The following CALN1 variants were observed in gnomAD, a reference collection of about 807,000 sequenced individuals.
CALN1 encodes the protein calneuron 1.
In CALN1, 17 loss-of-function variants were observed where a neutral mutation model predicts 30.6. The ratio of observed to expected loss-of-function variants is 0.56; its 90% CI spans 0.38 to 0.83. CALN1 has a LOEUF of 0.83. Among genes scored for constraint, CALN1 ranks in the 40% least tolerant of loss-of-function variants. CALN1 has a pLI of 0.00. For missense variants in CALN1, 291 were observed against 354.9 expected (o/e 0.82, Z 1.45); for synonymous variants, 156 against 131.4 (o/e 1.19, Z -1.28).
chr7:72,210,277 T>C (rs1333978087), intron 3 of CALN1, among the ~76,000 whole-genome samples: 1 of 152,042 alleles, frequency 6.6e-6, no homozygotes, highest in African/African-American at 2.4e-5. Context: ...TAATCAAGCT[T>C]CTCTATGGTG....
At chr7:72,288,331 G>A (rs1480078855) in intron 2 of CALN1, among the ~76,000 whole-genome samples, 3 of 152,158 alleles carry the variant, frequency 2.0e-5, no homozygotes, top group East Asian at 3.8e-4. Flanking sequence ...CTTCTGAAGT[G>A]TCCTTATGAC....
chr7:72,077,948 C>T (rs887132469), intron 4 of CALN1, among the ~76,000 whole-genome samples: 8 of 152,178 alleles, frequency 5.3e-5, no homozygotes, highest in Non-Finnish European at 8.8e-5. Context: ...ACCTGTCAAA[C>T]GCTGAGAGAG....
intron 3 of CALN1, among the ~76,000 whole-genome samples, chr7:72,142,427 G>A (rs1045257559): frequency 1.3e-5 from 2 of 152,176 alleles, no homozygotes; most frequent in Non-Finnish European, 2.9e-5. Context: ...CTGGGGGAGG[G>A]GCACCTGCCA....
chr7:72,259,903 C>G (rs768568666), intron 3 of CALN1, among the ~76,000 whole-genome samples: 1 of 152,160 alleles, frequency 6.6e-6, no homozygotes, highest in Non-Finnish European at 1.5e-5. Flanking sequence ...CCAATGCAAC[C>G]TTTTAAAATG....
intron 5 of CALN1, among the ~76,000 whole-genome samples, chr7:71,991,559 CCAAT>C (rs572317306): frequency 1.5e-3 from 226 of 151,778 alleles, no homozygotes; most frequent in African/African-American, 4.7e-3. Flanking sequence ...ACCATTCTGA[CCAAT>C]CAATCTATAA....
intron 1 of CALN1, among the ~76,000 whole-genome samples, chr7:72,441,026 C>A (rs948706188): frequency 6.6e-6 from 1 of 151,852 alleles, no homozygotes; most frequent in Non-Finnish European, 1.5e-5. Context: ...AAATGCTATC[C>A]AAAATGCTTT....
At chr7:71,858,347 A>G (rs1791074866) in intron 5 of CALN1, among the ~76,000 whole-genome samples, 1 of 152,096 alleles carries the variant, frequency 6.6e-6, no homozygotes, top group Non-Finnish European at 1.5e-5. Context: ...TTCCTTTATA[A>G]ATCACCCAAT....
chr7:72,429,218 A>G (rs1807896228), intron 1 of CALN1, among the ~76,000 whole-genome samples: 1 of 152,236 alleles, frequency 6.6e-6, no homozygotes, highest in Non-Finnish European at 1.5e-5. Context: ...AAGTGGATTC[A>G]GATATTGACA....
At chr7:71,887,301 C>G (rs780153597) in intron 5 of CALN1, among the ~76,000 whole-genome samples, 48 of 152,158 alleles carry the variant, frequency 3.2e-4, no homozygotes, top group Non-Finnish European at 6.3e-4. Context: ...CATAATTATG[C>G]TTTTGTTTTT....
At chr7:71,948,547 C>G (rs555115011) in intron 5 of CALN1, among the ~76,000 whole-genome samples, 1 of 151,918 alleles carries the variant, frequency 6.6e-6, no homozygotes. Context: ...CTGGCCAACA[C>G]GGTGAGATCC....
intron 5 of CALN1, among the ~76,000 whole-genome samples, chr7:71,991,072 G>A (rs1798926782): frequency 6.6e-6 from 1 of 151,782 alleles, no homozygotes; most frequent in African/African-American, 2.4e-5. Flanking sequence ...CAAATATGAA[G>A]GAAGAGAACA....
At position 72,358,304 on chromosome 7, in the gene CALN1, C is replaced by A. The variant is rs574095488; in HGVS notation, c.119+44947G>T. ...GCCACTACCACGCCTAGCCTTGGAT[C>A]ACAAATTTTCACGTGGAGTGATATC... On this transcript the variant is annotated intron_variant, in intron 2 of 6. Coordinates refer to ENST00000395275, the MANE Select transcript of CALN1 (RefSeq NM_031468.4). Among the ~76,000 whole-genome samples the A allele has an allele frequency of 4.8e-4, 73 of 152,086 alleles. 1 individual carries two copies. The highest frequency in any genetic ancestry group is 1.7e-3 in the African/African-American group (69 of 41,370).
intron 4 of CALN1, among the ~76,000 whole-genome samples, chr7:72,081,962 A>G (rs12699121): frequency 0.78 from 118,597 of 152,162 alleles, 47,246 homozygotes; most frequent in East Asian, 1. Context: ...ATGGGCTTCA[A>G]GAGGAGGCTG....
intron 2 of CALN1, among the ~76,000 whole-genome samples, chr7:72,343,384 T>C (rs770375097): frequency 2.0e-5 from 3 of 152,082 alleles, no homozygotes; most frequent in Non-Finnish European, 2.9e-5. Flanking sequence ...CTGTTTCTAC[T>C]GTAAATACAA....
intron 3 of CALN1, among the ~76,000 whole-genome samples, chr7:72,146,607 G>GA (rs1180641849): frequency 2.0e-5 from 3 of 151,970 alleles, no homozygotes; most frequent in African/African-American, 4.8e-5. Flanking sequence ...CACAGAATTG[G>GA]AAAAAAACTA....
intron 5 of CALN1, among the ~76,000 whole-genome samples, chr7:71,826,734 C>T (rs1788937739): frequency 6.6e-6 from 1 of 152,128 alleles, no homozygotes; most frequent in Non-Finnish European, 1.5e-5. Context: ...AGGTCTCGCC[C>T]AATGTGGGGT....
At chr7:71,922,515 T>C (rs1485642533) in intron 5 of CALN1, among the ~76,000 whole-genome samples, 1 of 143,056 alleles carries the variant, frequency 7.0e-6, no homozygotes, top group Non-Finnish European at 1.5e-5. Flanking sequence ...ATACACAATA[T>C]ATAACACACA....
intron 5 of CALN1, among the ~76,000 whole-genome samples, chr7:71,826,217 G>C (rs1054695913): frequency 6.6e-6 from 1 of 151,984 alleles, no homozygotes; most frequent in Non-Finnish European, 1.5e-5. Context: ...CAGCTCAAGG[G>C]AGCAAGGGGA....
upstream of CALN1, among the ~76,000 whole-genome samples, chr7:72,412,598 A>G (rs973508568): frequency 1.2e-4 from 19 of 152,136 alleles, no homozygotes; most frequent in African/African-American, 4.3e-4. Flanking sequence ...ACTGACCCAG[A>G]AGCCCAGCTG....
Sources: gnomAD v4.1 joint callset for allele counts (sites outside exome capture counted in the v4.1 genomes callset) on GRCh38, gnomAD v4.1.1 for gene constraint, MANE v1.5 for transcripts, NCBI Gene and HGNC (gene_info 2026-07-23, HGNC 2026-07-21) for gene names.